TTC7B: variants seen among roughly 807,000 people sequenced by gnomAD.
The protein encoded by TTC7B is tetratricopeptide repeat protein 7B.
TTC7B carries 28 observed loss-of-function variants against 106.8 expected under a neutral mutation model. The observed-to-expected ratio is 0.26, with a 90% confidence interval of 0.19 to 0.36. The LOEUF is 0.36. TTC7B is among the 10% of genes least tolerant of loss of function. The pLI, the probability that TTC7B is intolerant of heterozygous loss-of-function variation, is 1.00. For synonymous variants in TTC7B, 405 were observed against 430.6 expected (o/e 0.94, Z 0.74); for missense variants, 862 against 1,076.4 (o/e 0.80, Z 2.79).
At chr14:90,553,366 T>G (rs903927201) in intron 19 of TTC7B, among the ~76,000 whole-genome samples, 14 of 152,218 alleles carry the variant, frequency 9.2e-5, no homozygotes, top group African/African-American at 2.9e-4. Flanking sequence ...AACCTCTTAT[T>G]TTTCTAAGCC....
At chr14:90,595,177 C>A (rs895647585) in intron 17 of TTC7B, among the ~76,000 whole-genome samples, 1 of 151,650 alleles carries the variant, frequency 6.6e-6, no homozygotes, top group Non-Finnish European at 1.5e-5. Context: ...ACTAAAAATA[C>A]AAAAAATTAG....
In TTC7B at chr14:90,802,779, G is replaced by A. The variant is rs1402774064; in HGVS notation, c.121+13396C>T. ...TGCAGGCGTGGAGAGGCAGAGAGCC[G>A]GGTGTAACAGGGCAGGGACACTGTC... is the stretch of plus-strand genomic sequence containing the variant. On this transcript the variant is annotated intron_variant, in intron 1 of 19. Transcript: ENST00000328459. This position sits in a 1 kb window ranked among gnomAD's most constrained non-coding sequence, Gnocchi z 4.7. Among the ~76,000 whole-genome samples the A allele has an allele frequency of 5.3e-5, 8 of 152,108 alleles. No homozygotes were observed. Among genetic ancestry groups the A allele is most frequent in the Admixed American group, 1.3e-4 (2 of 15,262 alleles).
chr14:90,655,477 G>A (rs1476518689), intron 11 of TTC7B, among the ~76,000 whole-genome samples: 2 of 152,160 alleles, frequency 1.3e-5, no homozygotes, highest in Non-Finnish European at 2.9e-5. Flanking sequence ...TCAAGTTCTT[G>A]AAATGTTTTA....
chr14:90,676,681 G>C (rs780981273), intron 8 of TTC7B, 21 bp from the exon 9 acceptor site: 1 of 1,611,722 alleles, frequency 6.2e-7, no homozygotes, highest in African/African-American at 1.3e-5. Flanking sequence ...ATGGAATAGA[G>C]AAGCAGATGG....
At chr14:90,801,094 G>A (rs1204210507) in intron 1 of TTC7B, among the ~76,000 whole-genome samples, 1 of 149,560 alleles carries the variant, frequency 6.7e-6, no homozygotes, top group African/African-American at 2.5e-5. Flanking sequence ...GCTTTGTGGT[G>A]GACGCCTGTA....
At chr14:90,597,288 T>C (rs1892242934) in intron 17 of TTC7B, among the ~76,000 whole-genome samples, 1 of 152,120 alleles carries the variant, frequency 6.6e-6, no homozygotes, top group Non-Finnish European at 1.5e-5. Flanking sequence ...AATAAAAGTC[T>C]TCCATTGAAT....
At chr14:90,580,403 C>T (rs1891440193) in intron 18 of TTC7B, among the ~76,000 whole-genome samples, 1 of 152,190 alleles carries the variant, frequency 6.6e-6, no homozygotes, top group African/African-American at 2.4e-5. Context: ...GAACACCCTG[C>T]CCAAGTTCTC....
chr14:90,756,775 T>C (rs1162598952), intron 3 of TTC7B, among the ~76,000 whole-genome samples: 2 of 152,142 alleles, frequency 1.3e-5, no homozygotes, highest in African/African-American at 4.8e-5. Flanking sequence ...AACAAGCACC[T>C]CAGCCAACCT....
At chr14:90,811,429 C>G (rs1375464495) in intron 1 of TTC7B, among the ~76,000 whole-genome samples, 1 of 152,172 alleles carries the variant, frequency 6.6e-6, no homozygotes, top group Non-Finnish European at 1.5e-5. Context: ...AAACCTCAGT[C>G]CTGTTTCCAG....
chr14:90,689,292 T>C (rs1175299385), intron 7 of TTC7B, among the ~76,000 whole-genome samples: 1 of 152,226 alleles, frequency 6.6e-6, no homozygotes, highest in Non-Finnish European at 1.5e-5. Context: ...CCAATAGTGA[T>C]GGCTGCAAAT....
chr14:90,563,244 A>G (rs143142435), intron 19 of TTC7B, among the ~76,000 whole-genome samples: 361 of 152,244 alleles, frequency 2.4e-3, no homozygotes, highest in African/African-American at 6.8e-3. Flanking sequence ...TAAAGCTCGA[A>G]GGACACAGGC....
At chr14:90,586,099 C>A (rs759658157) in intron 18 of TTC7B, among the ~76,000 whole-genome samples, 1 of 152,204 alleles carries the variant, frequency 6.6e-6, no homozygotes, top group Non-Finnish European at 1.5e-5. Flanking sequence ...GGTATTACTG[C>A]TAGTGTGTGG....
At chr14:90,639,546 T>A (rs1885080579) in intron 15 of TTC7B, among the ~76,000 whole-genome samples, 2 of 152,236 alleles carry the variant, frequency 1.3e-5, no homozygotes, top group Admixed American at 1.3e-4. Flanking sequence ...CACCAAGTAT[T>A]GGTGTATGGA....
At chr14:90,694,159 C>A (rs918939481) in intron 6 of TTC7B, among the ~76,000 whole-genome samples, 1 of 152,058 alleles carries the variant, frequency 6.6e-6, no homozygotes, top group Non-Finnish European at 1.5e-5. Flanking sequence ...CCCAGCTACT[C>A]GGAGGCTGGG....
chr14:90,671,559 G>A (rs1428120655), intron 9 of TTC7B, among the ~76,000 whole-genome samples: 1 of 152,152 alleles, frequency 6.6e-6, no homozygotes, highest in Non-Finnish European at 1.5e-5. Flanking sequence ...TTTTAATAGC[G>A]CAGGTTGTCA....
intron 12 of TTC7B, among the ~76,000 whole-genome samples, chr14:90,654,706 T>A (rs1446682134): frequency 6.6e-6 from 1 of 152,074 alleles, no homozygotes; most frequent in African/African-American, 2.4e-5. Flanking sequence ...GCTAGGTGGA[T>A]GAATCATCCC....
chr14:90,733,923 T>A (rs546762502), intron 4 of TTC7B, among the ~76,000 whole-genome samples: 1 of 152,360 alleles, frequency 6.6e-6, no homozygotes, highest in African/African-American at 2.4e-5. Flanking sequence ...TACATTATTA[T>A]ACAAATATTA....
At chr14:90,674,263 G>A (rs1334600932) in intron 9 of TTC7B, among the ~76,000 whole-genome samples, 1 of 152,196 alleles carries the variant, frequency 6.6e-6, no homozygotes, top group Non-Finnish European at 1.5e-5. Flanking sequence ...GAGGGAGAGA[G>A]GGCCCACACT....
At chr14:90,622,566 A>G (rs367689420) in intron 15 of TTC7B, among the ~76,000 whole-genome samples, 27 of 151,986 alleles carry the variant, frequency 1.8e-4, no homozygotes, top group African/African-American at 6.0e-4. Flanking sequence ...CTGTCTCTAC[A>G]AAAAAATATA....
Sources: allele counts gnomAD v4.1 joint callset (sites outside exome capture counted in the v4.1 genomes callset), GRCh38; gene constraint gnomAD v4.1.1; non-coding constraint Gnocchi (gnomAD v3.1); transcripts MANE v1.5; gene names NCBI Gene and HGNC (gene_info 2026-07-23, HGNC 2026-07-21).